The following CFDP1 variants were observed in gnomAD, a reference collection of about 807,000 sequenced individuals.
CFDP1 encodes the protein chromatin remodeling protein CFDP1.
In CFDP1, 31 loss-of-function variants were observed where a neutral mutation model predicts 40.1. The ratio of observed to expected loss-of-function variants is 0.77; its 90% confidence interval spans 0.58 to 1.04. The LOEUF (loss-of-function observed/expected upper bound fraction) is 1.04, where lower values mean the gene tolerates loss of function less well. Among genes scored for constraint, CFDP1 ranks in the 50% least tolerant of loss-of-function variants. The pLI, the probability that CFDP1 is intolerant of heterozygous loss-of-function variation, is 0.00. For missense variants in CFDP1, 423 were observed against 343.4 expected (o/e 1.23, Z -1.83); for synonymous variants, 167 against 120.0 (o/e 1.39, Z -2.56).
chr16:75,342,038 A>T (rs2078530901), intron 5 of CFDP1, among the ~76,000 whole-genome samples: 1 of 152,166 alleles, frequency 6.6e-6, no homozygotes, highest in Admixed American at 6.5e-5. Flanking sequence ...ACACATTCCA[A>T]GTTAAATAGC....
At chr16:75,363,434 C>T (rs2078692965) in intron 5 of CFDP1, among the ~76,000 whole-genome samples, 1 of 150,776 alleles carries the variant, frequency 6.6e-6, no homozygotes, top group Admixed American at 6.6e-5. Context: ...CTCGCTCTGT[C>T]GCCCAGGCTG....
At position 75,380,550 on chromosome 16, in the gene CFDP1, G is replaced by A. The variant is rs543573629; in HGVS notation, c.650+14540C>T. Among the ~76,000 whole-genome samples the A allele has an allele frequency of 2.5e-3, 377 of 150,954 alleles. 3 individuals carry two copies. The highest frequency in any genetic ancestry group is 8.9e-3 in the African/African-American group (366 of 41,078). ...TCAATGCATCCTCAATGAAAGGAAA[G>A]AGTTAGGAAAAAAAAAAAATCACAT... On this transcript the variant is annotated intron_variant, in intron 5 of 6. Coordinates refer to ENST00000283882, the MANE Select transcript of CFDP1 (RefSeq NM_006324.3).
intron 5 of CFDP1, among the ~76,000 whole-genome samples, chr16:75,349,623 C>A (rs2151525030): frequency 7.8e-6 from 1 of 128,758 alleles, no homozygotes; most frequent in African/African-American, 3.0e-5. Context: ...TGTACCCCAG[C>A]CTGGGCGACA....
intron 4 of CFDP1, among the ~76,000 whole-genome samples, chr16:75,400,438 C>G (rs1597385174): frequency 6.6e-6 from 1 of 152,136 alleles, no homozygotes; most frequent in African/African-American, 2.4e-5. Context: ...TAGAAAGGCT[C>G]ATTAAATTGA....
intron 1 of CFDP1, among the ~76,000 whole-genome samples, chr16:75,421,555 T>C (rs2079280811): frequency 6.6e-6 from 1 of 152,070 alleles, no homozygotes; most frequent in Non-Finnish European, 1.5e-5. Context: ...CCAATAACCT[T>C]TCTAGTGCCC....
At chr16:75,400,779 T>C (rs2079045111) in intron 4 of CFDP1, among the ~76,000 whole-genome samples, 1 of 152,250 alleles carries the variant, frequency 6.6e-6, no homozygotes, top group African/African-American at 2.4e-5. Flanking sequence ...GAAACTCATA[T>C]TGGACTTTAT....
chr16:75,303,075 C>G (rs1446770202), intron 6 of CFDP1, among the ~76,000 whole-genome samples: 1 of 151,444 alleles, frequency 6.6e-6, no homozygotes, highest in Non-Finnish European at 1.5e-5. Context: ...AGGCGCGCGC[C>G]TGTAATCCCA....
At position 75,395,542 on chromosome 16, in the gene CFDP1, C is replaced by G. The variant is rs887410554; in HGVS notation, c.531-333G>C. Among the ~76,000 whole-genome samples the G allele has an allele frequency of 4.6e-5, 7 of 152,094 alleles. 1 individual carries two copies. The South Asian group carries it at 8.3e-4, about 18-fold the overall frequency. ...GGCGTGGTGGCGGGCGCCTGTAGTC[C>G]CAGCTACTCGGGAGGCTGAGGCAGC... is the stretch of plus-strand genomic sequence containing the variant. On this transcript the variant is annotated intron_variant, in intron 4 of 6. Transcript: ENST00000283882.
At chr16:75,419,785 T>C (rs910402562) in intron 1 of CFDP1, among the ~76,000 whole-genome samples, 20 of 152,098 alleles carry the variant, frequency 1.3e-4, no homozygotes, top group Non-Finnish European at 2.6e-4. Context: ...TTACTCTAAA[T>C]GGTCTGAAAA....
At chr16:75,354,675 TA>T (rs2078635242) in intron 5 of CFDP1, among the ~76,000 whole-genome samples, 1 of 132,562 alleles carries the variant, frequency 7.5e-6, no homozygotes, top group Non-Finnish European at 1.7e-5. Context: ...CTTCTTTTCT[TA>T]AATGTGGTGG....
intron 5 of CFDP1, among the ~76,000 whole-genome samples, chr16:75,321,708 C>A (rs1468669950): frequency 2.0e-5 from 3 of 152,160 alleles, no homozygotes; most frequent in African/African-American, 4.8e-5. Flanking sequence ...CTTGGACACC[C>A]CTGCTTTAAA....
At chr16:75,414,320 A>C (rs1165517122) in intron 2 of CFDP1, among the ~76,000 whole-genome samples, 1 of 152,200 alleles carries the variant, frequency 6.6e-6, no homozygotes, top group Non-Finnish European at 1.5e-5. Flanking sequence ...CAGGGTAAAC[A>C]TCTTTTCAGG....
intron 5 of CFDP1, among the ~76,000 whole-genome samples, chr16:75,386,021 A>G (rs2078894980): frequency 1.3e-5 from 2 of 152,226 alleles, no homozygotes; most frequent in South Asian, 4.1e-4. Context: ...GGGTATAGGA[A>G]TACGGCAAAA....
chr16:75,314,406 T>G (rs1325585283), intron 5 of CFDP1, among the ~76,000 whole-genome samples: 1 of 152,066 alleles, frequency 6.6e-6, no homozygotes, highest in Non-Finnish European at 1.5e-5. Flanking sequence ...TGATATGAAA[T>G]GTCCAGAATA....
chr16:75,328,537 C>CTT (rs2078420620), intron 5 of CFDP1, among the ~76,000 whole-genome samples: 1 of 129,536 alleles, frequency 7.7e-6, no homozygotes. Context: ...AGGCGGAGGG[C>CTT]GCAGTGAGCC....
In CFDP1 at chr16:75,397,798, C is replaced by T. The variant is rs532411112; in HGVS notation, c.531-2589G>A. On this transcript the variant is annotated intron_variant, in intron 4 of 6. Coordinates refer to ENST00000283882, the MANE Select transcript of CFDP1 (RefSeq NM_006324.3). ...TCCAGCCTGGGCGACAGCGAGACTC[C>T]GTCTCAAAAAATAAATAAATAAATA... Among the ~76,000 whole-genome samples the T allele has an allele frequency of 2.6e-5, 4 of 152,016 alleles. No homozygotes were observed. In the South Asian group the frequency reaches 6.2e-4, roughly 24 times the overall value.
At chr16:75,424,038 A>C (rs1320408027) in intron 1 of CFDP1, among the ~76,000 whole-genome samples, 1 of 152,180 alleles carries the variant, frequency 6.6e-6, no homozygotes, top group African/African-American at 2.4e-5. Context: ...AAACACTGTA[A>C]TCCACCATAT....
intron 1 of CFDP1, among the ~76,000 whole-genome samples, chr16:75,415,064 T>G (rs2079192462): frequency 6.6e-6 from 1 of 152,252 alleles, no homozygotes; most frequent in South Asian, 2.1e-4. Context: ...TCAATTCTAC[T>G]AATGTGTTTC....
At chr16:75,330,325 G>A (rs973649615) in intron 5 of CFDP1, among the ~76,000 whole-genome samples, 3 of 152,218 alleles carry the variant, frequency 2.0e-5, no homozygotes, top group Non-Finnish European at 2.9e-5. Flanking sequence ...AGTGGCTCAC[G>A]TGTATTATCC....
Sources: allele counts gnomAD v4.1 joint callset (sites outside exome capture counted in the v4.1 genomes callset), GRCh38; gene constraint gnomAD v4.1.1; transcripts MANE v1.5; gene names NCBI Gene and HGNC (gene_info 2026-07-23, HGNC 2026-07-21).